FKBP5: variants seen among roughly 807,000 people sequenced by gnomAD.
The protein encoded by FKBP5 is FKBP prolyl isomerase 5.
In FKBP5, 23 loss-of-function variants were observed where a neutral mutation model predicts 50.5. The observed-to-expected ratio is 0.46, with a 90% CI of 0.33 to 0.65. The LOEUF is 0.65. FKBP5 is among the 30% of genes least tolerant of loss of function. FKBP5 has a pLI of 0.02. For synonymous variants in FKBP5, 176 were observed against 190.6 expected, an observed-to-expected ratio of 0.92 and a Z score of 0.63; for missense variants, 411 against 553.1, an observed-to-expected ratio of 0.74 and a Z score of 2.58.
intron 5 of FKBP5, among the ~76,000 whole-genome samples, chr6:35,604,045 T>G (rs1475922748): frequency 1.3e-5 from 2 of 151,962 alleles, no homozygotes; most frequent in African/African-American, 4.8e-5. Context: ...TCTCACTTTG[T>G]TGCCCAGCCT....
At chr6:35,641,992 C>CAAAAT (rs373570754) in intron 2 of FKBP5, among the ~76,000 whole-genome samples, 25,228 of 140,202 alleles carry the variant, frequency 0.18, 2,737 homozygotes, top group Non-Finnish European at 0.24. Flanking sequence ...GACTCTGTCT[C>CAAAAT]AAAATAAAAT....
intron 1 of FKBP5, among the ~76,000 whole-genome samples, chr6:35,669,096 T>G (rs1325372184): frequency 2.0e-5 from 3 of 152,210 alleles, no homozygotes; most frequent in Non-Finnish European, 4.4e-5. Context: ...AGCTATAGAC[T>G]GTATTAATAA....
At position 35,642,709 on chromosome 6, in the gene FKBP5, TG is replaced by T. The variant is rs1185303753; in HGVS notation, c.105+10del. ...GGTTTCCTTGTATGTCACTCAGCTT[TG>T]TGGCCTCACCTTTAATACTCCCCTG... On this transcript the variant is annotated intron_variant, in intron 2 of 10. Coordinates refer to ENST00000357266, the MANE Select transcript of FKBP5 (RefSeq NM_004117.4). The T allele has an allele frequency of 3.7e-6, 6 of 1,606,112 alleles. No homozygotes were observed. Among genetic ancestry groups the T allele is most frequent in the Admixed American group, 1.7e-5 (1 of 59,716 alleles).
rs1247692718 is a variant in FKBP5, at chr6:35,650,351, A to G, written c.-19-7508T>C. On this transcript the variant is annotated intron_variant, in intron 1 of 10. Coordinates refer to ENST00000357266, the MANE Select transcript of FKBP5 (RefSeq NM_004117.4). ...AATAGCATTGTAGTAAATGAAGTGT[A>G]TTGTTAATGGTGCATAGTGCCCAGT... Among the ~76,000 whole-genome samples, 9 of 151,244 alleles carry G rather than the reference A, an allele frequency of 6.0e-5. No individual in the cohort carries two copies. The East Asian group carries it at 1.7e-3, about 29-fold the overall frequency.
At chr6:35,622,264 T>C (rs1451833690) in intron 3 of FKBP5, among the ~76,000 whole-genome samples, 1 of 152,184 alleles carries the variant, frequency 6.6e-6, no homozygotes, top group East Asian at 1.9e-4. Flanking sequence ...ATCTCAGCAT[T>C]TTGGAAGGCC....
intron 1 of FKBP5, among the ~76,000 whole-genome samples, chr6:35,683,915 G>C (rs895923818): frequency 1.3e-5 from 2 of 151,964 alleles, no homozygotes; most frequent in African/African-American, 4.8e-5. Flanking sequence ...AAAATTAGCT[G>C]GGCGTGGTGG....
chr6:35,651,656 G>A (rs1387770102), intron 1 of FKBP5, among the ~76,000 whole-genome samples: 3 of 152,162 alleles, frequency 2.0e-5, no homozygotes, highest in Admixed American at 1.3e-4. Context: ...ATTAGGTTGA[G>A]CATTCCTAAT....
intron 1 of FKBP5, among the ~76,000 whole-genome samples, chr6:35,685,982 C>CAAAAAAAAAAAAAAAAAAAAAAACA (rs60786619): frequency 2.2e-5 from 1 of 46,244 alleles, no homozygotes; most frequent in Non-Finnish European, 5.2e-5. Context: ...AACGCCATCT[C>CAAAAAAAAAAAAAAAAAAAAAAACA]AAAAAAAAAA....
At chr6:35,663,251 A>C (rs532840585) in intron 1 of FKBP5, among the ~76,000 whole-genome samples, 2 of 152,364 alleles carry the variant, frequency 1.3e-5, no homozygotes, top group African/African-American at 2.4e-5. Context: ...ACAAAGCATC[A>C]TGACCCATCC....
chr6:35,662,324 G>C (rs564188721), intron 1 of FKBP5, among the ~76,000 whole-genome samples: 2 of 151,580 alleles, frequency 1.3e-5, no homozygotes, highest in African/African-American at 4.8e-5. Flanking sequence ...GCTCAGGCTG[G>C]AGTACAGTGG....
intron 5 of FKBP5, among the ~76,000 whole-genome samples, chr6:35,613,276 G>A (rs543261265): frequency 7.2e-5 from 11 of 151,994 alleles, no homozygotes; most frequent in Non-Finnish European, 1.2e-4. Flanking sequence ...GTGTAGTGGC[G>A]TAATCTCTGC....
At chr6:35,682,202 A>C (rs902338903) in intron 1 of FKBP5, among the ~76,000 whole-genome samples, 6 of 152,254 alleles carry the variant, frequency 3.9e-5, no homozygotes, top group Non-Finnish European at 8.8e-5. Flanking sequence ...TCAGATTACA[A>C]GACTGTTTTT....
In FKBP5 at chr6:35,619,088, A is replaced by ATACT; in HGVS notation, c.508+4_508+7dup. 6.3e-7 allele frequency: 1 copy of ATACT among 1,592,994 alleles called. No individual in the cohort carries two copies. The highest frequency in any genetic ancestry group is 8.6e-7 in the Non-Finnish European group (1 of 1,161,400). The stretch of plus-strand genomic sequence containing the variant: ...TAAGGACTAGTTCCCTCTTACTTTA[A>ATACT]TACTTACTTTCTACTGTTGCTCCTT... On this transcript the variant is annotated splice_region_variant and intron_variant, in intron 5 of 10. Coordinates refer to ENST00000357266, the MANE Select transcript of FKBP5 (RefSeq NM_004117.4).
rs1434230533 is a variant in FKBP5, at chr6:35,574,095, G to A, written c.*1740C>T. On this transcript the variant is annotated 3_prime_UTR_variant, in exon 11 of 11. Transcript: ENST00000357266. ...TCTTCATATTTCGTAGGTGAGACTGGGGCTTTTAAAAGAAATATTTCATAA... is the reference window on the plus strand; with the variant it reads ...TCTTCATATTTCGTAGGTGAGACTGAGGCTTTTAAAAGAAATATTTCATAA... The A allele has an allele frequency of 6.6e-6, 1 of 151,986 alleles. No homozygotes were observed. The highest frequency in any genetic ancestry group is 1.5e-5 in the Non-Finnish European group (1 of 68,008). The allele number at this position is 151,986 out of a possible 1,614,324, so 9.4% of individuals were successfully genotyped here.
intron 8 of FKBP5, chr6:35,584,794 A>T (rs1297151170): frequency 1.0e-6 from 1 of 985,252 alleles, no homozygotes; most frequent in Non-Finnish European, 1.2e-6. Context: ...ATCAAATTCC[A>T]TGTTAAAAAT....
At chr6:35,616,083 CGGG>C (rs1561859487) in intron 5 of FKBP5, among the ~76,000 whole-genome samples, 1 of 152,088 alleles carries the variant, frequency 6.6e-6, no homozygotes, top group African/African-American at 2.4e-5. Flanking sequence ...GAGGCTGAGG[CGGG>C]TGTATCACCC....
At chr6:35,697,067 A>C (rs548992629) in intron 2 of FKBP5, among the ~76,000 whole-genome samples, 35 of 152,346 alleles carry the variant, frequency 2.3e-4, no homozygotes, top group Admixed American at 3.9e-4. Context: ...ATATTCCAGT[A>C]ATTCCACTCG....
chr6:35,723,057 C>T (rs904876912), intron 1 of FKBP5, among the ~76,000 whole-genome samples: 8 of 152,066 alleles, frequency 5.3e-5, no homozygotes, highest in Non-Finnish European at 7.4e-5. Flanking sequence ...CACAGTGAAA[C>T]GCCATCTCTA....
chr6:35,699,862 C>T (rs891154175), intron 2 of FKBP5, among the ~76,000 whole-genome samples: 2 of 152,132 alleles, frequency 1.3e-5, no homozygotes, highest in African/African-American at 4.8e-5. Flanking sequence ...GCCTGGTCAA[C>T]ATGGCGAAAC....
Sources: gnomAD v4.1 joint callset for allele counts (sites outside exome capture counted in the v4.1 genomes callset) on GRCh38, gnomAD v4.1.1 for gene constraint, MANE v1.5 for transcripts, NCBI Gene and HGNC (gene_info 2026-07-23, HGNC 2026-07-21) for gene names.